Variants in NXN observed in about 807,000 individuals in gnomAD.
NXN encodes the protein nucleoredoxin 1.
In NXN, 16 loss-of-function variants were observed where a neutral mutation model predicts 48.6. That is an observed-to-expected ratio of 0.33 (90% CI 0.22 to 0.50). The LOEUF is 0.50. Ranked by LOEUF, NXN falls within the 20% of genes least tolerant of loss-of-function variation. NXN has a pLI of 0.98. For synonymous variants in NXN, 281 were observed against 269.6 expected (o/e 1.04, Z -0.41); for missense variants, 492 against 605.5 (o/e 0.81, Z 1.97).
intron 1 of NXN, among the ~76,000 whole-genome samples, chr17:905,415 C>A (rs577254330): frequency 3.3e-5 from 5 of 151,714 alleles, no homozygotes; most frequent in African/African-American, 1.2e-4. Flanking sequence ...GAGATCCTGT[C>A]GGTTAAAAAT....
At chr17:889,393 G>A (rs1174499402) in intron 1 of NXN, among the ~76,000 whole-genome samples, 1 of 152,204 alleles carries the variant, frequency 6.6e-6, no homozygotes, top group Non-Finnish European at 1.5e-5. Context: ...AGGTAGAAAT[G>A]AATGAGAAAT....
chr17:803,981 G>A, intron 6 of NXN, 175 bp from the exon 7 acceptor site: 1 of 744,210 alleles, frequency 1.3e-6, no homozygotes, highest in Non-Finnish European at 2.2e-6. Flanking sequence ...GGGTGTGTGT[G>A]CACATGCGTC....
chr17:903,204 T>A (rs1004432080), intron 1 of NXN, among the ~76,000 whole-genome samples: 1 of 152,064 alleles, frequency 6.6e-6, no homozygotes, highest in Non-Finnish European at 1.5e-5. Context: ...CAAGTTTTTT[T>A]GTTTTTTTGT....
chr17:808,288 G>C (rs924441375), intron 5 of NXN, among the ~76,000 whole-genome samples: 22 of 150,260 alleles, frequency 1.5e-4, no homozygotes, highest in Admixed American at 2.0e-4. Flanking sequence ...CCTTGAAGCA[G>C]GTTCTCTGAA....
intron 1 of NXN, among the ~76,000 whole-genome samples, chr17:882,611 G>A (rs866250496): frequency 1.1e-4 from 16 of 151,994 alleles, no homozygotes; most frequent in African/African-American, 3.1e-4. Context: ...GACTTCAGGC[G>A]CCCACCACCA....
chr17:834,990 CA>C (rs1366811867), intron 1 of NXN, among the ~76,000 whole-genome samples: 2 of 151,608 alleles, frequency 1.3e-5, no homozygotes, highest in African/African-American at 4.8e-5. Context: ...CACAGCCACC[CA>C]AAGGCCACAC....
Position 800,951 on chromosome 17 carries a change from A to C in NXN, c.1306T>G (p.Ter436GluextTer107). Residue 436 changes from the stop codon to glutamate, a stop_lost, in exon 8 of 8, where the codon TAG (stop) becomes GAG (glutamate). Coordinates refer to ENST00000336868, the MANE Select transcript of NXN (RefSeq NM_022463.5). Reference protein sequence around the residue: ...LAEKLKPEPI* With the variant: ...LAEKLKPEPIE ...CGTCTCAGGAGGCCGGAGCCACGCTAGATGGGCTCCGGTTTGAGCTTCTCT... is the reference window on the plus strand; with the variant it reads ...CGTCTCAGGAGGCCGGAGCCACGCTCGATGGGCTCCGGTTTGAGCTTCTCT... The C allele has an allele frequency of 6.8e-7, 1 of 1,465,994 alleles. No individual in the cohort carries two copies. Among genetic ancestry groups the C allele is most frequent in the Non-Finnish European group, 9.1e-7 (1 of 1,100,100 alleles). The allele number at this position is 1,465,994 out of a possible 1,614,324, so 90.8% of individuals were successfully genotyped here.
At chr17:833,185 C>A (rs1459885804) in intron 1 of NXN, among the ~76,000 whole-genome samples, 3 of 152,152 alleles carry the variant, frequency 2.0e-5, no homozygotes, top group African/African-American at 7.2e-5. Flanking sequence ...GCCACCGCAC[C>A]CGGCCGAAAA....
intron 5 of NXN, among the ~76,000 whole-genome samples, chr17:814,056 C>T (rs775593664): frequency 2.0e-5 from 3 of 151,784 alleles, no homozygotes; most frequent in Admixed American, 2.0e-4. Flanking sequence ...AGGTCAGGAG[C>T]TCAAGACCAG....
intron 1 of NXN, among the ~76,000 whole-genome samples, chr17:835,187 A>G (rs1002679755): frequency 4.6e-5 from 7 of 151,374 alleles, no homozygotes; most frequent in South Asian, 2.1e-4. Context: ...GGGTGCCTGT[A>G]CTCCCAGCTA....
intron 1 of NXN, among the ~76,000 whole-genome samples, chr17:843,867 G>C (rs566882986): frequency 6.6e-6 from 1 of 152,178 alleles, no homozygotes; most frequent in Non-Finnish European, 1.5e-5. Context: ...TTCACAAAGA[G>C]AAACAAATCT....
intron 1 of NXN, among the ~76,000 whole-genome samples, chr17:957,429 C>G (rs1241097328): frequency 1.3e-5 from 2 of 152,024 alleles, no homozygotes; most frequent in East Asian, 1.9e-4. Context: ...GTCAGGAGTT[C>G]AAGACCAGCC....
intron 1 of NXN, among the ~76,000 whole-genome samples, chr17:884,652 T>A (rs2068323234): frequency 6.6e-6 from 1 of 152,074 alleles, no homozygotes; most frequent in Non-Finnish European, 1.5e-5. Context: ...CACCCGACTT[T>A]CTAGAACACC....
At chr17:938,031 AG>A (rs2068928561) in intron 1 of NXN, among the ~76,000 whole-genome samples, 1 of 152,250 alleles carries the variant, frequency 6.6e-6, no homozygotes, top group Admixed American at 6.5e-5. Context: ...AGGAAGGAAG[AG>A]GAATGGCTGC....
chr17:934,870 T>G (rs116537121), intron 1 of NXN, among the ~76,000 whole-genome samples: 2,051 of 152,058 alleles, frequency 0.013, 54 homozygotes, highest in African/African-American at 0.042. Context: ...AGACGCCATC[T>G]CAAAAAAAAG....
chr17:924,045 T>C (rs1016364929), intron 1 of NXN, among the ~76,000 whole-genome samples: 1 of 152,234 alleles, frequency 6.6e-6, no homozygotes, highest in East Asian at 1.9e-4. Flanking sequence ...CTAGTGCTTT[T>C]CTACATTTTT....
chr17:820,381 G>C (rs915495858), intron 4 of NXN, among the ~76,000 whole-genome samples: 1 of 152,078 alleles, frequency 6.6e-6, no homozygotes, highest in Admixed American at 6.6e-5. Flanking sequence ...GGAGGCCAAG[G>C]CAGGTGAATC....
At chr17:817,916 G>C (rs1172457148) in intron 5 of NXN, among the ~76,000 whole-genome samples, 1 of 152,136 alleles carries the variant, frequency 6.6e-6, no homozygotes, top group Non-Finnish European at 1.5e-5. Context: ...AGGCTGGGAA[G>C]GAGGTATTCA....
intron 1 of NXN, among the ~76,000 whole-genome samples, chr17:951,504 T>G (rs2150618061): frequency 6.8e-6 from 1 of 147,398 alleles, no homozygotes; most frequent in South Asian, 2.1e-4. Context: ...TTTGCAGACA[T>G]GATGTGGTTA....
Sources: gnomAD v4.1 joint callset for allele counts (sites outside exome capture counted in the v4.1 genomes callset) on GRCh38, gnomAD v4.1.1 for gene constraint, MANE v1.5 for transcripts, NCBI Gene and HGNC (gene_info 2026-07-23, HGNC 2026-07-21) for gene names.